The following MEP1B variants were observed in gnomAD, a reference collection of about 807,000 sequenced individuals.
MEP1B encodes the protein meprin A subunit beta.
In MEP1B, 80 loss-of-function variants were observed where a neutral mutation model predicts 84.6. The ratio of observed to expected loss-of-function variants is 0.95; its 90% CI spans 0.79 to 1.14. The LOEUF (loss-of-function observed/expected upper bound fraction) is 1.14, where lower values mean the gene tolerates loss of function less well. MEP1B is among the 50% of genes most tolerant of loss of function. The pLI is 0.00. For synonymous variants in MEP1B, 273 were observed against 288.1 expected, an observed-to-expected ratio of 0.95 and a Z score of 0.53; for missense variants, 766 against 855.1, an observed-to-expected ratio of 0.90 and a Z score of 1.30.
Position 32,204,196 on chromosome 18 carries a change from T to TA in MEP1B, c.384dup (p.Gly129ArgfsTer3). 1.2e-6 allele frequency: 2 copies of TA among 1,606,302 alleles called. No homozygotes were observed. Among genetic ancestry groups the TA allele is most frequent in the Non-Finnish European group, 1.7e-6 (2 of 1,176,614 alleles). ...TCTCCTGTAAGCTGCTGGTCTTCAGTAGGAAATAGGCGGGTTGGGAAGCAA... is the reference window on the plus strand; with the variant it reads ...TCTCCTGTAAGCTGCTGGTCTTCAGTAAGGAAATAGGCGGGTTGGGAAGCAA... On this transcript the variant is annotated frameshift_variant, in exon 7 of 15. Transcript: ENST00000269202. LOFTEE classifies it high-confidence loss of function.
Position 32,220,369 on chromosome 18 carries a change from G to A in MEP1B, c.*124G>A. ...GTGGATATTTTTCTGTAAATAGCTGGAAATATTATAAATCACTATTTTGGT... is the reference window on the plus strand; with the variant it reads ...GTGGATATTTTTCTGTAAATAGCTGAAAATATTATAAATCACTATTTTGGT... On this transcript the variant is annotated 3_prime_UTR_variant, in exon 15 of 15. Transcript: ENST00000269202. 5.6e-6 allele frequency: 5 copies of A among 892,286 alleles called. No individual in the cohort carries two copies. Among genetic ancestry groups the A allele is most frequent in the Middle Eastern group, 2.3e-4 (1 of 4,336 alleles). The allele number at this position is 892,286 out of a possible 1,614,324, so 55.3% of individuals were successfully genotyped here. A position where few individuals can be genotyped will look rare whatever the true frequency, so the allele number is the denominator to read the frequency against.
At position 32,199,008 on chromosome 18, in the gene MEP1B, G is replaced by C. The variant is rs372593327; in HGVS notation, c.250+3523G>C. The stretch of plus-strand genomic sequence containing the variant: ...TAGAGAAAGAGATTCTAGTGCTCAG[G>C]ATTCAGTCCTGGGTAGCTGAGGGCA... On this transcript the variant is annotated intron_variant, in intron 5 of 14. Transcript: ENST00000269202. 3.8e-3 allele frequency among the ~76,000 whole-genome samples: 585 copies of C among 152,202 alleles called. 1 individual carries two copies. The highest frequency in any genetic ancestry group is 5.8e-3 in the Admixed American group (88 of 15,276).
intron 14 of MEP1B, among the ~76,000 whole-genome samples, chr18:32,219,510 T>C (rs993626624): frequency 6.6e-6 from 1 of 152,152 alleles, no homozygotes; most frequent in African/African-American, 2.4e-5. Context: ...TTCGGTCTCC[T>C]GGGCCATTGG....
chr18:32,219,306 C>T (rs2041125808), intron 14 of MEP1B, among the ~76,000 whole-genome samples: 1 of 152,140 alleles, frequency 6.6e-6, no homozygotes, highest in Admixed American at 6.6e-5. Context: ...TCCTCAACAT[C>T]AGGAAGATGT....
intron 7 of MEP1B, 141 bp from the exon 8 acceptor site, chr18:32,207,111 A>G (rs915150477): frequency 6.5e-6 from 4 of 612,028 alleles, no homozygotes; most frequent in Admixed American, 2.8e-5. Flanking sequence ...ATATTGTAAG[A>G]TGGGAATAAT....
At chr18:32,199,600 G>T (rs1313636066) in intron 5 of MEP1B, among the ~76,000 whole-genome samples, 1 of 151,316 alleles carries the variant, frequency 6.6e-6, no homozygotes, top group Non-Finnish European at 1.5e-5. Flanking sequence ...TGTTTTTTTG[G>T]TTTAGTCTTT....
intron 9 of MEP1B, among the ~76,000 whole-genome samples, chr18:32,209,843 C>T (rs982387008): frequency 6.6e-6 from 1 of 151,588 alleles, no homozygotes; most frequent in Non-Finnish European, 1.5e-5. Context: ...TCAGCCAAGG[C>T]CCTGGTTTCC....
At chr18:32,195,303 G>T in intron 4 of MEP1B, 104 bp from the exon 5 acceptor site, 1 of 693,902 alleles carries the variant, frequency 1.4e-6, no homozygotes, top group South Asian at 1.8e-5. Context: ...TTGTTTGTGC[G>T]AACTGGGAGA....
rs969003178 is a variant in MEP1B at position 32,213,141 on chromosome 18, T to C, written c.1161T>C (p.Leu387=). The change falls in exon 11 of 15, where the codon CTT becomes CTC. Residue 387 remains leucine (L), a synonymous_variant. Transcript: ENST00000269202. ...AAATACCCACTGGGAGCTGGCAACT[T>C]TATCATGTAACATTGAAAGTGACCA... ...IKEIPTGSWQ[L]YHVTLKVTKK... is the part of the protein sequence containing the mutation. 3.7e-6 allele frequency: 6 copies of C among 1,613,596 alleles called. No homozygotes were observed. Among genetic ancestry groups the C allele is most frequent in the Non-Finnish European group, 3.4e-6 (4 of 1,179,662 alleles).
chr18:32,208,854 C>A (rs2040993372), intron 9 of MEP1B, among the ~76,000 whole-genome samples: 1 of 152,130 alleles, frequency 6.6e-6, no homozygotes, highest in South Asian at 2.1e-4. Context: ...GAACTTAGGG[C>A]CAGTGCTTAA....
chr18:32,196,653 C>T lies in MEP1B; in HGVS notation c.250+1168C>T, dbSNP rs570337814. 26 of 680,072 alleles carry T rather than the reference C, an allele frequency of 3.8e-5. No homozygotes were observed. The highest frequency in any genetic ancestry group is 3.5e-4 in the South Asian group (22 of 63,120). 42.1% of individuals were successfully genotyped at this position (680,072 alleles called of 1,614,324 possible). A position where few individuals can be genotyped will look rare whatever the true frequency, so the allele number is the denominator to read the frequency against. ...CCGCCTGATGTTGTCCAGCACGCCA[C>T]CTCGGGGTGTCTTCCCCAAGCACCA... On this transcript the variant is annotated intron_variant, in intron 5 of 14. Transcript: ENST00000269202. The surrounding 1 kb of genome is among the most constrained non-coding windows in gnomAD (Gnocchi z 4.4).
rs1274042201 is a variant in MEP1B, at chr18:32,196,947, G to T, written c.250+1462G>T. On this transcript the variant is annotated intron_variant, in intron 5 of 14. Transcript: ENST00000269202. The surrounding 1 kb of genome is among the most constrained non-coding windows in gnomAD (Gnocchi z 4.4). ...CTACACTTGGTTAAACAGGTGCAGG[G>T]CCTGATTGATGGGCTCACAGGGAGC... 3.3e-6 allele frequency: 1 copy of T among 302,830 alleles called. No homozygotes were observed. The highest frequency in any genetic ancestry group is 6.3e-6 in the Non-Finnish European group (1 of 158,262). The allele number at this position is 302,830 out of a possible 1,614,324, so 18.8% of individuals were successfully genotyped here. A position where few individuals can be genotyped will look rare whatever the true frequency, so the allele number is the denominator to read the frequency against.
chr18:32,215,969 C>CAT (rs10522884), intron 12 of MEP1B, among the ~76,000 whole-genome samples: 85 of 134,862 alleles, frequency 6.3e-4, no homozygotes, highest in Non-Finnish European at 1.1e-3. Flanking sequence ...TACATATATG[C>CAT]ATATATATAT....
In MEP1B at chr18:32,220,389, T is replaced by A; in HGVS notation, c.*144T>A. The stretch of plus-strand genomic sequence containing the variant: ...AGCTGGAAATATTATAAATCACTAT[T>A]TTGGTCAAAGTCAAATTGGTGAAAT... On this transcript the variant is annotated 3_prime_UTR_variant, in exon 15 of 15. Transcript: ENST00000269202. The A allele has an allele frequency of 1.2e-6, 1 of 806,534 alleles. No homozygotes were observed. Among genetic ancestry groups the A allele is most frequent in the Non-Finnish European group, 1.9e-6 (1 of 513,466 alleles). The allele number at this position is 806,534 out of a possible 1,614,324, so 50.0% of individuals were successfully genotyped here. A position where few individuals can be genotyped will look rare whatever the true frequency, so the allele number is the denominator to read the frequency against.
chr18:32,192,496 C>A, intron 2 of MEP1B, 150 bp from the exon 3 acceptor site: 1 of 704,034 alleles, frequency 1.4e-6, no homozygotes, highest in Non-Finnish European at 2.4e-6. Context: ...CTTAATCAAT[C>A]AATCAATCAA....
chr18:32,200,200 A>G (rs2040898480), intron 5 of MEP1B, among the ~76,000 whole-genome samples: 1 of 152,170 alleles, frequency 6.6e-6, no homozygotes, highest in Non-Finnish European at 1.5e-5. Flanking sequence ...ATTGATAAGC[A>G]TATGTATATA....
rs1320082667 is a variant in MEP1B at position 32,210,707 on chromosome 18, G to C, written c.1126G>C (p.Glu376Gln). 6.2e-7 allele frequency: 1 copy of C among 1,612,330 alleles called. No individual in the cohort carries two copies. The highest frequency in any genetic ancestry group is 1.1e-5 in the South Asian group (1 of 90,998). ...NVDGNLTLVE[E>Q]IKEIPTGSWQ... Reference sequence around the variant, plus strand: ...GGATGGCAATTTAACCCTTGTGGAAGAAATAAAAGGTACAATGTCAACATC... The same window carrying C: ...GGATGGCAATTTAACCCTTGTGGAACAAATAAAAGGTACAATGTCAACATC... The change falls in exon 10 of 15, where the codon GAA (glutamate) becomes CAA (glutamine). Residue 376 changes from glutamate to glutamine, a missense_variant. By Grantham distance (29) the Glu-to-Gln change is conservative. Transcript: ENST00000269202.
chr18:32,204,435 T>C, intron 7 of MEP1B, 75 bp downstream of exon 7: 1 of 1,249,444 alleles, frequency 8.0e-7, no homozygotes. Context: ...TTGTCATCTG[T>C]GGCAACTGTT....
At position 32,196,200 on chromosome 18, in the gene MEP1B, G is replaced by A; in HGVS notation, c.250+715G>A. ...CCACCTCGGCTTTCAGACTCTCCAA[G>A]TCTTTTTGGCTGAGAGGAATGAAGA... On this transcript the variant is annotated intron_variant, in intron 5 of 14. Coordinates refer to ENST00000269202, the MANE Select transcript of MEP1B (RefSeq NM_005925.3). This position sits in a 1 kb window ranked among gnomAD's most constrained non-coding sequence, Gnocchi z 4.4. 2 of 666,522 alleles carry A rather than the reference G, an allele frequency of 3.0e-6. No homozygotes were observed. Among genetic ancestry groups the A allele is most frequent in the Non-Finnish European group, 5.7e-6 (2 of 353,616 alleles). 41.3% of individuals were successfully genotyped at this position (666,522 alleles called of 1,614,324 possible). A position where few individuals can be genotyped will look rare whatever the true frequency, so the allele number is the denominator to read the frequency against.
Sources: gnomAD v4.1 joint callset for allele counts (sites outside exome capture counted in the v4.1 genomes callset) on GRCh38, gnomAD v4.1.1 for gene constraint, Gnocchi (gnomAD v3.1) non-coding constraint, MANE v1.5 for transcripts, NCBI Gene and HGNC (gene_info 2026-07-23, HGNC 2026-07-21) for gene names.